Variants in L3MBTL1 observed in about 807,000 individuals in gnomAD.
L3MBTL1 encodes the protein L3MBTL histone methyl-lysine binding protein 1, also known as lethal(3)malignant brain tumor-like protein 1.
In L3MBTL1, 75 loss-of-function variants were observed where a neutral mutation model predicts 105.3. The ratio of observed to expected loss-of-function variants is 0.71; its 90% CI spans 0.59 to 0.86. L3MBTL1 has a LOEUF of 0.86. Among genes scored for constraint, L3MBTL1 ranks in the 40% least tolerant of loss-of-function variants. The pLI, the probability that L3MBTL1 is intolerant of heterozygous loss-of-function variation, is 0.00. For synonymous variants in L3MBTL1, 452 were observed against 436.2 expected (o/e 1.04, Z -0.45); for missense variants, 1,069 against 1,126.4 (o/e 0.95, Z 0.73).
intron 1 of L3MBTL1, among the ~76,000 whole-genome samples, chr20:43,510,386 T>TTTTC (rs1397282415): frequency 4.8e-4 from 69 of 143,252 alleles, no homozygotes; most frequent in African/African-American, 1.6e-3. Context: ...TGTTTTATAA[T>TTTTC]TTTCTTTCTT....
intron 18 of L3MBTL1, among the ~76,000 whole-genome samples, chr20:43,547,759 C>T (rs1418548209): frequency 3.9e-5 from 6 of 152,194 alleles, no homozygotes; most frequent in Admixed American, 3.3e-4. Flanking sequence ...GCAGGTTTCT[C>T]AAAGCCAGTG....
rs538581765 is a variant in L3MBTL1 at position 43,523,517 on chromosome 20, C to T, written c.863-5140C>T. On this transcript the variant is annotated intron_variant, in intron 7 of 21. Coordinates refer to ENST00000418998, the MANE Select transcript of L3MBTL1 (RefSeq NM_001377303.1). ...ATCCCTCCAGAGGCAACCAGTGCTGCGTAGCCAAAACCCAAACCAGTGCAA... is the reference window on the plus strand; with the variant it reads ...ATCCCTCCAGAGGCAACCAGTGCTGTGTAGCCAAAACCCAAACCAGTGCAA... The T allele has an allele frequency of 1.5e-4, 40 of 269,452 alleles. 1 individual carries two copies. The highest frequency in any genetic ancestry group is 7.5e-5 in the Admixed American group (2 of 26,606). 16.7% of individuals were successfully genotyped at this position (269,452 alleles called of 1,614,324 possible). A position where few individuals can be genotyped will look rare whatever the true frequency, so the allele number is the denominator to read the frequency against.
intron 7 of L3MBTL1, among the ~76,000 whole-genome samples, chr20:43,525,365 C>A (rs972119828): frequency 6.6e-6 from 1 of 151,922 alleles, no homozygotes; most frequent in Non-Finnish European, 1.5e-5. Flanking sequence ...TCAGTGCCAC[C>A]GCTAGCCAAT....
At chr20:43,508,635 TGCTATGTGCACG>T (rs1262280898) in intron 1 of L3MBTL1, among the ~76,000 whole-genome samples, 3 of 152,260 alleles carry the variant, frequency 2.0e-5, no homozygotes, top group African/African-American at 7.2e-5. Flanking sequence ...ATTGAGCATC[TGCTATGTGCACG>T]GCTCTGGGCT....
At chr20:43,543,177 T>C (rs1038863084), downstream of L3MBTL1, among the ~76,000 whole-genome samples, 2 of 152,154 alleles carry the variant, frequency 1.3e-5, no homozygotes, top group African/African-American at 4.8e-5. Flanking sequence ...GTTGGTTTCA[T>C]AGCCTTGTTT....
downstream of L3MBTL1, among the ~76,000 whole-genome samples, chr20:43,542,550 C>G (rs2019956097): frequency 1.4e-5 from 2 of 140,218 alleles, no homozygotes; most frequent in African/African-American, 2.7e-5. Context: ...CCCTTGAACT[C>G]AACATTTCAA....
intron 2 of L3MBTL1, 54 bp downstream of exon 2, chr20:43,513,693 C>G (rs1187067976): frequency 1.9e-6 from 3 of 1,548,740 alleles, no homozygotes; most frequent in African/African-American, 1.4e-5. Flanking sequence ...TGTACCTGCT[C>G]AAGCAAGTGT....
At position 43,536,133 on chromosome 20, in the gene L3MBTL1, T is replaced by C. The variant is rs755846579; in HGVS notation, c.1962T>C (p.His654=). 3.7e-6 allele frequency: 6 copies of C among 1,613,614 alleles called. No homozygotes were observed. In the East Asian group the frequency reaches 1.3e-4, roughly 36 times the overall value. The change falls in exon 18 of 22, where the codon CAT becomes CAC. Residue 654 remains histidine, a synonymous_variant. Coordinates refer to ENST00000418998, the MANE Select transcript of L3MBTL1 (RefSeq NM_001377303.1). ...CTCCTGGTTGCGACGGCTCTGGCCATGTCACAGGCAAGTTCACAGCTCACC... is the reference window on the plus strand; with the variant it reads ...CTCCTGGTTGCGACGGCTCTGGCCACGTCACAGGCAAGTTCACAGCTCACC... The part of the protein sequence containing the change: ...CPTPGCDGSG[H]VTGKFTAHHC...
At chr20:43,522,747 C>T (rs1368471574) in intron 7 of L3MBTL1, among the ~76,000 whole-genome samples, 1 of 148,908 alleles carries the variant, frequency 6.7e-6, no homozygotes, top group East Asian at 2.0e-4. Context: ...GCTAGGATTA[C>T]AGGCATGAGC....
rs1051047384 is a variant in L3MBTL1, at chr20:43,540,850, G to A, written c.2394+35G>A. 4 of 1,612,346 alleles carry A rather than the reference G, an allele frequency of 2.5e-6. No homozygotes were observed. In the African/African-American group the frequency reaches 5.3e-5, roughly 22 times the overall value. On this transcript the variant is annotated intron_variant, in intron 21 of 21. Coordinates refer to ENST00000418998, the MANE Select transcript of L3MBTL1 (RefSeq NM_001377303.1). ...AAGTGCAGAGTGGGAGACAGAGCCGGGGTCACTGTCCTTAAGACGGCAGGA... is the reference window on the plus strand; with the variant it reads ...AAGTGCAGAGTGGGAGACAGAGCCGAGGTCACTGTCCTTAAGACGGCAGGA...
intron 16 of L3MBTL1, 22 bp from the exon 17 acceptor site, chr20:43,535,815 C>T (rs758684021): frequency 1.1e-5 from 17 of 1,510,138 alleles, no homozygotes; most frequent in East Asian, 4.5e-5. Flanking sequence ...CCATGAGGAC[C>T]GCCTCCTTTC....
intron 1 of L3MBTL1, among the ~76,000 whole-genome samples, chr20:43,508,491 C>T (rs2018045962): frequency 6.6e-6 from 1 of 152,250 alleles, no homozygotes; most frequent in South Asian, 2.1e-4. Flanking sequence ...GGGCTCTACT[C>T]CCCACCCAAC....
At chr20:43,523,992 C>CAAA (rs577732076) in intron 7 of L3MBTL1, among the ~76,000 whole-genome samples, 8 of 83,098 alleles carry the variant, frequency 9.6e-5, no homozygotes, top group African/African-American at 2.1e-4. Flanking sequence ...GACTCCATCT[C>CAAA]AAAAAAAAAA....
At position 43,535,948 on chromosome 20, in the gene L3MBTL1, T is replaced by A. The variant is rs757661817; in HGVS notation, c.1925+12T>A. The A allele has an allele frequency of 1.3e-5, 21 of 1,608,828 alleles. No individual in the cohort carries two copies. The Admixed American group carries it at 3.5e-4, about 27-fold the overall frequency. ...AGCTTTCACCACCGGTGAGTGAAGG[T>A]TCCTGGTGAGAGACCCTCAGCGTTG... On this transcript the variant is annotated intron_variant, in intron 17 of 21. Coordinates refer to ENST00000418998, the MANE Select transcript of L3MBTL1 (RefSeq NM_001377303.1).
chr20:43,536,318 C>T, intron 18 of L3MBTL1, 24 bp downstream of exon 18: 1 of 1,611,960 alleles, frequency 6.2e-7, no homozygotes, highest in Non-Finnish European at 8.5e-7. Context: ...GGAATCAGGG[C>T]CCGGGCTTCC....
chr20:43,540,883 GC>G, intron 21 of L3MBTL1, 50 bp from the exon 22 acceptor site: 1 of 1,612,072 alleles, frequency 6.2e-7, no homozygotes, highest in Admixed American at 1.7e-5. Context: ...GGAAGCAGGT[GC>G]CCTCCCCAGC....
chr20:43,528,785 C>G (rs748813753), intron 8 of L3MBTL1, 40 bp downstream of exon 8: 2 of 1,507,456 alleles, frequency 1.3e-6, no homozygotes, highest in East Asian at 4.5e-5. Context: ...GCTTGTCTTC[C>G]TAGCCTAGGG....
In L3MBTL1 at chr20:43,540,930, C is replaced by T. The variant is rs1440637418; in HGVS notation, c.2395-4C>T. 1 of 1,613,870 alleles carries T rather than the reference C, an allele frequency of 6.2e-7. No homozygotes were observed. The highest frequency in any genetic ancestry group is 8.5e-7 in the Non-Finnish European group (1 of 1,179,922). On this transcript the variant is annotated splice_polypyrimidine_tract_variant and splice_region_variant and intron_variant, in intron 21 of 21. Transcript: ENST00000418998. ...CTAAGGAGGGACCCGTGTTGCCCCA[C>T]CAGGCAAGAATAGTCAGAGTGACCC...
chr20:43,521,285 T>C (rs2018692877), intron 7 of L3MBTL1, among the ~76,000 whole-genome samples: 1 of 152,250 alleles, frequency 6.6e-6, no homozygotes, highest in African/African-American at 2.4e-5. Context: ...CATTCTGTTC[T>C]TCCCTTTACA....
Sources: allele counts gnomAD v4.1 joint callset (sites outside exome capture counted in the v4.1 genomes callset), GRCh38; gene constraint gnomAD v4.1.1; transcripts MANE v1.5; gene names NCBI Gene and HGNC (gene_info 2026-07-23, HGNC 2026-07-21).